Variants in ABCC12 observed in about 807,000 individuals in gnomAD.
ABCC12 encodes ATP binding cassette subfamily C member 12.
Under a neutral mutation model 151.1 loss-of-function variants are expected in ABCC12, and 142 were observed. That is an observed-to-expected ratio of 0.94 (90% CI 0.82 to 1.08). The LOEUF (loss-of-function observed/expected upper bound fraction) is 1.08. ABCC12 is among the 50% of genes least tolerant of loss of function. The pLI is 0.00. For missense variants in ABCC12, 1,638 were observed against 1,691.1 expected, an observed-to-expected ratio of 0.97 and a Z score of 0.55; for synonymous variants, 645 against 646.4, an observed-to-expected ratio of 1.00 and a Z score of 0.03.
chr16:48,107,949 C>T (rs556482150), intron 19 of ABCC12, among the ~76,000 whole-genome samples: 1 of 151,578 alleles, frequency 6.6e-6, no homozygotes, highest in South Asian at 2.1e-4. Flanking sequence ...TTGGAGGTTG[C>T]AGTCAGCCGA....
chr16:48,149,031 G>A (rs1227647166), intron 2 of ABCC12, among the ~76,000 whole-genome samples: 2 of 151,978 alleles, frequency 1.3e-5, no homozygotes, highest in Admixed American at 6.6e-5. Flanking sequence ...CAACTAAGAT[G>A]CAAATCCTTT....
intron 9 of ABCC12, among the ~76,000 whole-genome samples, chr16:48,131,475 C>G (rs1964424523): frequency 6.6e-6 from 1 of 152,122 alleles, no homozygotes; most frequent in Admixed American, 6.5e-5. Flanking sequence ...ATTTGAGAGC[C>G]TTTGGTCAAC....
intron 14 of ABCC12, 70 bp from the exon 15 acceptor site, chr16:48,115,688 TG>T: frequency 6.8e-7 from 1 of 1,468,822 alleles, no homozygotes; most frequent in Non-Finnish European, 9.2e-7. Context: ...GGAAGCTTCC[TG>T]GAGCTTCTCA....
At chr16:48,143,609 T>A (rs1964895294) in intron 4 of ABCC12, among the ~76,000 whole-genome samples, 1 of 152,182 alleles carries the variant, frequency 6.6e-6, no homozygotes, top group South Asian at 2.1e-4. Context: ...GGGAGGGACC[T>A]GGTGGGAGGT....
chr16:48,097,109 T>C (rs759003614), intron 23 of ABCC12, among the ~76,000 whole-genome samples: 15 of 152,204 alleles, frequency 9.9e-5, no homozygotes, highest in Non-Finnish European at 1.8e-4. Flanking sequence ...ACTCTAGACA[T>C]CTTTGATTTG....
At chr16:48,086,677 G>A (rs993447942) in intron 28 of ABCC12, 64 bp downstream of exon 28, 85 of 1,434,644 alleles carry the variant, frequency 5.9e-5, no homozygotes, top group Non-Finnish European at 8.0e-5. Context: ...TTTAAACATA[G>A]GCCAGGAATC....
chr16:48,141,425 A>G (rs1964811786), intron 4 of ABCC12, 72 bp from the exon 5 acceptor site: 14 of 1,579,582 alleles, frequency 8.9e-6, no homozygotes, highest in Non-Finnish European at 9.5e-6. Flanking sequence ...GCTGTTGGGC[A>G]TGCTCTTGCA....
intron 3 of ABCC12, 85 bp downstream of exon 3, chr16:48,146,221 G>T: frequency 8.5e-7 from 1 of 1,181,214 alleles, no homozygotes; most frequent in Non-Finnish European, 1.3e-6. Context: ...GCAGCAGATG[G>T]GTTGCAGGAG....
At chr16:48,147,002 A>T (rs1596632828) in intron 2 of ABCC12, among the ~76,000 whole-genome samples, 1 of 152,048 alleles carries the variant, frequency 6.6e-6, no homozygotes, top group East Asian at 1.9e-4. Context: ...TTCTTCTTTC[A>T]GATTCTCTCA....
chr16:48,111,890 T>G lies in ABCC12; in HGVS notation c.2010A>C (p.Glu670Asp). 1 of 1,614,092 alleles carries G rather than the reference T, an allele frequency of 6.2e-7. No individual in the cohort carries two copies. Among genetic ancestry groups the G allele is most frequent in the Non-Finnish European group, 8.5e-7 (1 of 1,179,998 alleles). ...TCTCTCCATCTTCTAATAAAATAACTTCATCACAAGACTCTAAGAACTGCA... is the reference window on the plus strand; with the variant it reads ...TCTCTCCATCTTCTAATAAAATAACGTCATCACAAGACTCTAAGAACTGCA... ...HQLQFLESCDEVILLEDGEIC... is the reference protein window; with the variant it reads ...HQLQFLESCDDVILLEDGEIC... Residue 670 changes from glutamate to aspartate, a missense_variant, in exon 16 of 31, where the codon GAA becomes GAC. Physicochemically the swap from Glu to Asp is conservative, Grantham distance 45. Transcript: ENST00000311303.
chr16:48,127,314 G>T (rs958816649), intron 11 of ABCC12, among the ~76,000 whole-genome samples: 2 of 152,210 alleles, frequency 1.3e-5, no homozygotes, highest in African/African-American at 4.8e-5. Flanking sequence ...CTGCTGCTGA[G>T]TTCCCAGAGC....
chr16:48,142,512 T>C (rs570864468), intron 4 of ABCC12, among the ~76,000 whole-genome samples: 10 of 152,334 alleles, frequency 6.6e-5, no homozygotes, highest in African/African-American at 2.4e-4. Context: ...GTCCAGTGCC[T>C]TGCCCTCAGT....
In ABCC12 at chr16:48,097,012, C is replaced by T. The variant is rs1353749998; in HGVS notation, c.3039-110G>A. The stretch of plus-strand genomic sequence containing the variant: ...GGTTAGGGTGACTGGAGAAATGAGG[C>T]CAAGGAATTTTTAATCAAGGGAACA... On this transcript the variant is annotated intron_variant, in intron 23 of 30. Transcript: ENST00000311303. The T allele has an allele frequency of 8.9e-6, 12 of 1,344,910 alleles. No individual in the cohort carries two copies. The East Asian group carries it at 2.1e-4, about 23-fold the overall frequency. The allele number at this position is 1,344,910 out of a possible 1,614,324, so 83.3% of individuals were successfully genotyped here.
intron 13 of ABCC12, among the ~76,000 whole-genome samples, chr16:48,119,413 T>C (rs1209756462): frequency 6.6e-6 from 1 of 152,268 alleles, no homozygotes; most frequent in Non-Finnish European, 1.5e-5. Context: ...TGGCACATAT[T>C]TGCCCTCTGA....
intron 1 of ABCC12, among the ~76,000 whole-genome samples, chr16:48,155,358 A>T (rs1184486792): frequency 6.6e-6 from 1 of 150,918 alleles, no homozygotes; most frequent in Non-Finnish European, 1.5e-5. Flanking sequence ...CTCCCAGGAA[A>T]ATAATATATT....
At position 48,083,495 on chromosome 16, in the gene ABCC12, G is replaced by C. The variant is rs1050216847; in HGVS notation, c.*220C>G. The C allele has an allele frequency of 3.7e-6, 2 of 547,354 alleles. No homozygotes were observed. The highest frequency in any genetic ancestry group is 6.3e-6 in the Non-Finnish European group (2 of 315,274). 33.9% of individuals were successfully genotyped at this position (547,354 alleles called of 1,614,324 possible). ...GGCAGTTTTTTAATCCATTAGCTGG[G>C]TCTGCCCCGGTTCACCACCCAGAAC... On this transcript the variant is annotated 3_prime_UTR_variant, in exon 31 of 31. Transcript: ENST00000311303.
intron 14 of ABCC12, among the ~76,000 whole-genome samples, chr16:48,115,900 C>T (rs1379711653): frequency 6.6e-6 from 1 of 152,238 alleles, no homozygotes; most frequent in Non-Finnish European, 1.5e-5. Context: ...CACAAGACCC[C>T]AGCCCAATGC....
chr16:48,155,424 G>A (rs989015102), intron 1 of ABCC12, among the ~76,000 whole-genome samples: 1 of 151,088 alleles, frequency 6.6e-6, no homozygotes, highest in Non-Finnish European at 1.5e-5. Context: ...TATGAGAACT[G>A]CAGTAAAGCT....
chr16:48,154,298 T>G (rs1267170718), intron 1 of ABCC12, among the ~76,000 whole-genome samples: 3 of 152,174 alleles, frequency 2.0e-5, no homozygotes, highest in Non-Finnish European at 4.4e-5. Context: ...GCAGTTCCAT[T>G]TTATATGGCC....
Sources: allele counts gnomAD v4.1 joint callset (sites outside exome capture counted in the v4.1 genomes callset), GRCh38; gene constraint gnomAD v4.1.1; transcripts MANE v1.5; gene names NCBI Gene and HGNC (gene_info 2026-07-23, HGNC 2026-07-21).